B3GALT1: variants seen among roughly 807,000 people sequenced by gnomAD.
B3GALT1 encodes the protein beta-1,3-galactosyltransferase 1.
A neutral mutation model predicts 23.2 loss-of-function variants in B3GALT1; 10 were observed. That is an observed-to-expected ratio of 0.43 (90% confidence interval 0.27 to 0.73). The LOEUF is 0.73. Among genes scored for constraint, B3GALT1 ranks in the 30% least tolerant of loss-of-function variants. The pLI, the probability that B3GALT1 is intolerant of heterozygous loss-of-function variation, is 0.21. For missense variants in B3GALT1, 299 were observed against 405.4 expected, an observed-to-expected ratio of 0.74 and a Z score of 2.25; for synonymous variants, 156 against 141.5, an observed-to-expected ratio of 1.10 and a Z score of -0.73.
intron 1 of B3GALT1, among the ~76,000 whole-genome samples, chr2:167,314,478 C>T (rs1475536880): frequency 6.6e-6 from 1 of 152,062 alleles, no homozygotes; most frequent in East Asian, 1.9e-4. Flanking sequence ...TAATTTGTTC[C>T]AGGAGTTGAT....
At chr2:167,686,567 G>T (rs192023357) in intron 3 of B3GALT1, among the ~76,000 whole-genome samples, 4 of 152,182 alleles carry the variant, frequency 2.6e-5, no homozygotes, top group Middle Eastern at 3.4e-3. Flanking sequence ...CTTATTTGAT[G>T]ATTTTGTTTT....
At chr2:167,514,909 T>A (rs1375197150) in intron 2 of B3GALT1, among the ~76,000 whole-genome samples, 3 of 152,058 alleles carry the variant, frequency 2.0e-5, no homozygotes, top group Non-Finnish European at 4.4e-5. Context: ...AAAGGTGAAA[T>A]GTAAAATAGG....
At chr2:167,360,123 C>A (rs1697477040) in intron 1 of B3GALT1, among the ~76,000 whole-genome samples, 1 of 151,968 alleles carries the variant, frequency 6.6e-6, no homozygotes, top group African/African-American at 2.4e-5. Context: ...AAGTCAAAAT[C>A]AATTGTAAAA....
At chr2:167,555,285 A>G (rs1322143286) in intron 2 of B3GALT1, among the ~76,000 whole-genome samples, 1 of 152,168 alleles carries the variant, frequency 6.6e-6, no homozygotes, top group Non-Finnish European at 1.5e-5. Context: ...ATTATCATAC[A>G]CATAAATCTC....
At chr2:167,405,497 C>T (rs1393306449) in intron 1 of B3GALT1, among the ~76,000 whole-genome samples, 1 of 151,962 alleles carries the variant, frequency 6.6e-6, no homozygotes, top group African/African-American at 2.4e-5. Context: ...GTTATTAGGT[C>T]AGAAAAGCTC....
At chr2:167,734,320 A>G (rs999066698) in intron 3 of B3GALT1, among the ~76,000 whole-genome samples, 3 of 152,154 alleles carry the variant, frequency 2.0e-5, no homozygotes, top group African/African-American at 7.2e-5. Context: ...AAGTAGAAGT[A>G]GTCTTTGATC....
At chr2:167,497,933 A>G (rs1699801245) in intron 2 of B3GALT1, among the ~76,000 whole-genome samples, 2 of 152,002 alleles carry the variant, frequency 1.3e-5, no homozygotes, top group South Asian at 4.2e-4. Context: ...ATGAGTTTTC[A>G]ACTACCTGTT....
At chr2:167,620,681 C>T (rs1047732497) in intron 2 of B3GALT1, among the ~76,000 whole-genome samples, 2 of 152,022 alleles carry the variant, frequency 1.3e-5, no homozygotes, top group African/African-American at 4.8e-5. Context: ...CAGCTGAGAC[C>T]TAACAAGGTA....
intron 1 of B3GALT1, among the ~76,000 whole-genome samples, chr2:167,478,348 G>A (rs1045133893): frequency 6.6e-6 from 1 of 152,108 alleles, no homozygotes. Context: ...AGAGCATGGC[G>A]ATTTATTCCA....
intron 2 of B3GALT1, among the ~76,000 whole-genome samples, chr2:167,633,587 A>C (rs1685496461): frequency 6.6e-6 from 1 of 152,064 alleles, no homozygotes; most frequent in Non-Finnish European, 1.5e-5. Context: ...AAAGACAAAG[A>C]AGGGTATTTA....
intron 1 of B3GALT1, among the ~76,000 whole-genome samples, chr2:167,409,327 T>A (rs1698357107): frequency 6.6e-6 from 1 of 152,168 alleles, no homozygotes; most frequent in Admixed American, 6.5e-5. Context: ...TTCTCCTGGA[T>A]AATGTTCTGA....
intron 1 of B3GALT1, among the ~76,000 whole-genome samples, chr2:167,357,211 AT>A (rs1354218221): frequency 5.3e-5 from 8 of 151,950 alleles, no homozygotes; most frequent in East Asian, 1.9e-4. Context: ...TATCTTGATA[AT>A]TTTTTTGTGC....
intron 3 of B3GALT1, among the ~76,000 whole-genome samples, chr2:167,675,804 A>G (rs1215201746): frequency 3.3e-5 from 5 of 151,950 alleles, no homozygotes; most frequent in Non-Finnish European, 4.4e-5. Context: ...AGCCTTCTGT[A>G]ATTACAGCCA....
chr2:167,351,476 T>C (rs994074915), intron 1 of B3GALT1, among the ~76,000 whole-genome samples: 30 of 152,190 alleles, frequency 2.0e-4, no homozygotes, highest in Non-Finnish European at 5.9e-5. Flanking sequence ...CAATTTTGCA[T>C]TAATTACTCT....
At chr2:167,406,384 C>T (rs547038249) in intron 1 of B3GALT1, among the ~76,000 whole-genome samples, 28 of 152,102 alleles carry the variant, frequency 1.8e-4, no homozygotes, top group African/African-American at 6.7e-4. Flanking sequence ...AGCAACAACC[C>T]AGAACTCAAA....
chr2:167,607,019 A>G (rs1684973565), intron 2 of B3GALT1, among the ~76,000 whole-genome samples: 1 of 152,144 alleles, frequency 6.6e-6, no homozygotes, highest in African/African-American at 2.4e-5. Flanking sequence ...GCAGGTTATG[A>G]TTTTATGAAA....
chr2:167,777,696 A>G (rs1688183851), intron 3 of B3GALT1, among the ~76,000 whole-genome samples: 1 of 152,196 alleles, frequency 6.6e-6, no homozygotes, highest in Non-Finnish European at 1.5e-5. Context: ...TACATTGTCA[A>G]TCCCCTGAGA....
intron 2 of B3GALT1, among the ~76,000 whole-genome samples, chr2:167,626,800 A>G (rs184732342): frequency 1.3e-4 from 19 of 151,884 alleles, no homozygotes; most frequent in Admixed American, 2.0e-4. Context: ...CATATAGTAA[A>G]TATTCAATTA....
chr2:167,312,418 G>A (rs1206331541), intron 1 of B3GALT1, among the ~76,000 whole-genome samples: 1 of 152,016 alleles, frequency 6.6e-6, no homozygotes, highest in Non-Finnish European at 1.5e-5. Context: ...AGTTAAGGAT[G>A]CATGCTGCAA....
Sources: allele counts gnomAD v4.1 joint callset (sites outside exome capture counted in the v4.1 genomes callset), GRCh38; gene constraint gnomAD v4.1.1; transcripts MANE v1.5; gene names NCBI Gene and HGNC (gene_info 2026-07-23, HGNC 2026-07-21).